Variants in CLCN5 observed in about 807,000 individuals in gnomAD.
The protein encoded by CLCN5 is Cl-/H+ antiporter 5.
In CLCN5, 17 loss-of-function variants were observed where a neutral mutation model predicts 54.0. The observed-to-expected ratio is 0.31, with a 90% CI of 0.22 to 0.47. CLCN5 has a LOEUF of 0.47. CLCN5 is among the 20% of genes least tolerant of loss of function. CLCN5 has a pLI of 1.00. For missense variants in CLCN5, 448 were observed against 646.7 expected (o/e 0.69, Z 3.33); for synonymous variants, 222 against 233.0 (o/e 0.95, Z 0.43).
chrX:50,064,265 C>G (rs182215096), intron 4 of CLCN5, among the ~76,000 whole-genome samples: 6 of 109,973 alleles, frequency 5.5e-5, no homozygotes, highest in East Asian at 5.7e-4. Flanking sequence ...AAAACCCCGT[C>G]GTCTCAGCCC....
chrX:50,080,822 C>A, intron 8 of CLCN5, 106 bp downstream of exon 8: 1 of 699,859 alleles, frequency 1.4e-6, no homozygotes, highest in Non-Finnish European at 2.2e-6. Context: ...GAATGTTAAA[C>A]AGGATCAGAT....
At chrX:50,060,311 G>C (rs60448060) in intron 4 of CLCN5, among the ~76,000 whole-genome samples, 109 of 110,142 alleles carry the variant, frequency 9.9e-4, no homozygotes, top group African/African-American at 3.3e-3. Flanking sequence ...CACCGTGCGC[G>C]AGCTGAAGCA....
intron 4 of CLCN5, among the ~76,000 whole-genome samples, chrX:50,049,311 G>A (rs1932499718): frequency 8.9e-6 from 1 of 111,978 alleles, no homozygotes; most frequent in Non-Finnish European, 1.9e-5. Context: ...GTACAGGTTT[G>A]TAGCCTAAGA....
chrX:50,009,781 G>T (rs112489955), intron 3 of CLCN5: 4 of 384,349 alleles, frequency 1.0e-5, no homozygotes, highest in Non-Finnish European at 2.1e-5. Flanking sequence ...CAATGCACCC[G>T]GGCAAGGATT....
In CLCN5 at chrX:49,927,482, C is replaced by T. The variant is rs955539057; in HGVS notation, c.16+2168C>T. The stretch of plus-strand genomic sequence containing the variant: ...AACCTCTGAAGTAACCAGCAAAGTA[C>T]GATGATAGTTTGGAAGCAGTGTGGT... On this transcript the variant is annotated intron_variant, in intron 3 of 14. Transcript: ENST00000376091. 2.0e-4 allele frequency among the ~76,000 whole-genome samples: 22 copies of T among 111,721 alleles called. 1 individual carries two copies. The highest frequency in any genetic ancestry group is 1.6e-3 in the Admixed American group (17 of 10,537).
At chrX:49,990,742 T>C (rs1411708545) in intron 3 of CLCN5, among the ~76,000 whole-genome samples, 1 of 112,477 alleles carries the variant, frequency 8.9e-6, no homozygotes, top group Non-Finnish European at 1.9e-5. Context: ...CCAGCCATTA[T>C]ATCATTCTTA....
In CLCN5 at chrX:50,075,786, A is replaced by C. The variant is rs1057192312; in HGVS notation, c.416-9A>C. 8.3e-7 allele frequency: 1 copy of C among 1,209,168 alleles called. No homozygotes were observed. The highest frequency in any genetic ancestry group is 2.2e-5 in the Admixed American group (1 of 45,982). On this transcript the variant is annotated splice_polypyrimidine_tract_variant and intron_variant, in intron 6 of 14. Transcript: ENST00000376091. ...AACTTTGGCCTTTCCCTCCCTCCCC[A>C]CAAATCAGGTTCGTTAGCTGGTTTG...
At position 50,014,869 on chromosome X, in the gene CLCN5, G is replaced by T. The variant is rs139505274; in HGVS notation, c.17-27447G>T. On this transcript the variant is annotated intron_variant, in intron 3 of 14. Transcript: ENST00000376091. ...TATTAAATAATGTCCATGTATGCAG[G>T]TATCCAGAGTGAGACAGTGAGCTTT... Among the ~76,000 whole-genome samples, 199 of 111,385 alleles carry T rather than the reference G, an allele frequency of 1.8e-3. 2 individuals carry two copies. The Middle Eastern group carries it at 0.042, about 24-fold the overall frequency.
At chrX:50,015,676 G>A (rs1429264517) in intron 3 of CLCN5, among the ~76,000 whole-genome samples, 3 of 109,895 alleles carry the variant, frequency 2.7e-5, no homozygotes, top group Non-Finnish European at 5.7e-5. Context: ...CTGAGCCTGA[G>A]TGCTTTCTAC....
chrX:50,083,237 A>G (rs1188475398), intron 9 of CLCN5, among the ~76,000 whole-genome samples: 1 of 111,298 alleles, frequency 9.0e-6, no homozygotes, highest in Non-Finnish European at 1.9e-5. Flanking sequence ...AGGAAACTCA[A>G]AGATATTGAG....
At chrX:50,045,133 C>T (rs926660569) in intron 4 of CLCN5, among the ~76,000 whole-genome samples, 2 of 111,116 alleles carry the variant, frequency 1.8e-5, no homozygotes, top group Admixed American at 9.6e-5. Context: ...GAGGAGGTGA[C>T]TAATTTGGGG....
At chrX:50,084,823 C>T (rs1165350674) in intron 9 of CLCN5, among the ~76,000 whole-genome samples, 1 of 112,094 alleles carries the variant, frequency 8.9e-6, no homozygotes, top group African/African-American at 3.2e-5. Flanking sequence ...GTAAAACAGA[C>T]TTGAGAAAGA....
At chrX:50,011,213 A>G (rs1389112474) in intron 3 of CLCN5, among the ~76,000 whole-genome samples, 1 of 111,188 alleles carries the variant, frequency 9.0e-6, no homozygotes, top group Non-Finnish European at 1.9e-5. Flanking sequence ...CCTTGTCTAC[A>G]CTTAAAAGGA....
intron 3 of CLCN5, among the ~76,000 whole-genome samples, chrX:50,038,102 A>G (rs1557186726): frequency 8.9e-6 from 1 of 112,151 alleles, no homozygotes; most frequent in African/African-American, 3.2e-5. Flanking sequence ...TCAAAAGAAC[A>G]TAGAAGCCAG....
chrX:49,979,115 A>G (rs1276508482), intron 3 of CLCN5, among the ~76,000 whole-genome samples: 1 of 111,611 alleles, frequency 9.0e-6, no homozygotes, highest in African/African-American at 3.3e-5. Flanking sequence ...ATGATTTTTT[A>G]ATTGTATGCT....
In CLCN5 at chrX:50,094,987, G is replaced by T. The variant is rs1557195352; in HGVS notation, c.*2768G>T. The stretch of plus-strand genomic sequence containing the variant: ...TAAGCAACAAATACAGCCAGTATAG[G>T]GAGGACTGTCAGTAGCATCAAATGG... On this transcript the variant is annotated 3_prime_UTR_variant, in exon 15 of 15. Transcript: ENST00000376091. The T allele has an allele frequency of 8.9e-6, 1 of 112,552 alleles. No homozygotes were observed. Among genetic ancestry groups the T allele is most frequent in the East Asian group, 2.8e-4 (1 of 3,572 alleles). 9.3% of individuals were successfully genotyped at this position (112,552 alleles called of 1,213,427 possible). A position where few individuals can be genotyped will look rare whatever the true frequency, so the allele number is the denominator to read the frequency against.
Position 50,042,318 on chromosome X carries a change from GC to G in CLCN5, c.21del (p.Met8TrpfsTer23). 8.7e-7 allele frequency: 1 copy of G among 1,145,956 alleles called. No individual in the cohort carries two copies. Among genetic ancestry groups the G allele is most frequent in the Non-Finnish European group, 1.2e-6 (1 of 855,931 alleles). The allele number at this position is 1,145,956 out of a possible 1,213,427, so 94.4% of individuals were successfully genotyped here. A position where few individuals can be genotyped will look rare whatever the true frequency, so the allele number is the denominator to read the frequency against. Reference protein sequence around the residue: MAMWQGAMDNRGFQQGS... With the variant: MAMWQGXMDNRGFQQGS... ...CTCCTATTTTTCTTTCTGCACAGGT[GC>G]CATGGATAACAGAGGCTTTCAGCAG... On this transcript the variant is annotated frameshift_variant, in exon 4 of 15. Transcript: ENST00000376091. LOFTEE classifies it high-confidence loss of function.
intron 4 of CLCN5, among the ~76,000 whole-genome samples, chrX:50,055,232 T>G (rs1353273165): frequency 9.0e-6 from 1 of 111,715 alleles, no homozygotes; most frequent in East Asian, 2.8e-4. Flanking sequence ...AATATATGAG[T>G]GACCAAACAA....
intron 3 of CLCN5, chrX:50,014,504 A>G: frequency 1.0e-5 from 3 of 287,280 alleles, no homozygotes; most frequent in Non-Finnish European, 1.4e-5. Flanking sequence ...CAACATATAC[A>G]CAATGCAAGA....
Sources: allele counts gnomAD v4.1 joint callset (sites outside exome capture counted in the v4.1 genomes callset), GRCh38; gene constraint gnomAD v4.1.1; transcripts MANE v1.5; gene names NCBI Gene and HGNC (gene_info 2026-07-23, HGNC 2026-07-21).